The following CAST variants were observed in gnomAD, a reference collection of about 807,000 sequenced individuals.
The protein encoded by CAST is MIR583 host.
CAST carries 76 observed loss-of-function variants against 119.6 expected under a neutral mutation model. The observed-to-expected ratio is 0.64, with a 90% CI of 0.53 to 0.77. CAST has a LOEUF of 0.77. Among genes scored for constraint, CAST ranks in the 30% least tolerant of loss-of-function variants. The probability of loss-of-function intolerance (pLI) is 0.00; values close to 1 mark genes in which losing one functional copy is unlikely to be tolerated. For synonymous variants in CAST, 319 were observed against 331.6 expected (o/e 0.96, Z 0.41); for missense variants, 953 against 946.5 (o/e 1.01, Z -0.09).
chr5:96,770,227 T>G, intron 29 of CAST: 1 of 329,812 alleles, frequency 3.0e-6, no homozygotes, highest in Non-Finnish European at 5.9e-6. Flanking sequence ...TTGCCGACAT[T>G]TATTATCTAT....
In CAST at chr5:96,773,794, T is replaced by C. The variant is rs544993790; in HGVS notation, c.*1178T>C. 2.0e-5 allele frequency: 3 copies of C among 152,440 alleles called. No individual in the cohort carries two copies. The highest frequency in any genetic ancestry group is 4.1e-4 in the South Asian group (2 of 4,830). The allele number at this position is 152,440 out of a possible 1,614,324, so 9.4% of individuals were successfully genotyped here. A position where few individuals can be genotyped will look rare whatever the true frequency, so the allele number is the denominator to read the frequency against. On this transcript the variant is annotated 3_prime_UTR_variant, in exon 32 of 32. Transcript: ENST00000675179. ...TCCTGGTAGAGAATGCAGGAAAAGATGTCAGGTACATAACATAAAACAGAT... is the reference window on the plus strand; with the variant it reads ...TCCTGGTAGAGAATGCAGGAAAAGACGTCAGGTACATAACATAAAACAGAT...
chr5:96,503,723 A>G, the CAST span, among the ~76,000 whole-genome samples: 1 of 152,208 alleles, frequency 6.6e-6, no homozygotes, highest in Non-Finnish European at 1.5e-5. Flanking sequence ...TTGAGGGAAT[A>G]GAAGCCCAAG....
chr5:96,604,408 A>G (rs1446683246), intron 1 of CAST, among the ~76,000 whole-genome samples: 1 of 152,264 alleles, frequency 6.6e-6, no homozygotes, highest in African/African-American at 2.4e-5. Flanking sequence ...AAACATGTGA[A>G]CACATACTCA....
At chr5:96,734,377 G>A (rs1446943151) in intron 9 of CAST, among the ~76,000 whole-genome samples, 1 of 152,226 alleles carries the variant, frequency 6.6e-6, no homozygotes, top group African/African-American at 2.4e-5. Flanking sequence ...ACTGCAGTTA[G>A]GTGGATGGGA....
chr5:96,173,631 AG>A, the CAST span, among the ~76,000 whole-genome samples: 2 of 152,076 alleles, frequency 1.3e-5, no homozygotes, highest in Admixed American at 6.5e-5. Flanking sequence ...CATTATATCG[AG>A]GTTTTCTTAT....
At chr5:96,219,349 C>T in the CAST span, among the ~76,000 whole-genome samples, 1 of 152,164 alleles carries the variant, frequency 6.6e-6, no homozygotes, top group Non-Finnish European at 1.5e-5. Context: ...TTTTGGTTCT[C>T]ATCCATTTTG....
At chr5:96,373,830 C>T in the CAST span, among the ~76,000 whole-genome samples, 7 of 151,950 alleles carry the variant, frequency 4.6e-5, no homozygotes, top group East Asian at 7.7e-4. Flanking sequence ...ACTGCAGCCT[C>T]GAGCTCCTGG....
the CAST span, among the ~76,000 whole-genome samples, chr5:96,151,472 A>C: frequency 2.6e-5 from 4 of 152,168 alleles, no homozygotes; most frequent in East Asian, 1.9e-4. Context: ...CCCATCTCTA[A>C]AAAATTAATA....
chr5:96,662,250 T>C, upstream of CAST: 1 of 767,930 alleles, frequency 1.3e-6, no homozygotes, highest in Non-Finnish European at 1.8e-6. Flanking sequence ...CCATCGGGGC[T>C]AGGGGAACCC....
the CAST span, among the ~76,000 whole-genome samples, chr5:96,517,438 T>C: frequency 6.6e-6 from 1 of 152,196 alleles, no homozygotes; most frequent in Non-Finnish European, 1.5e-5. Context: ...TATAAGTGTT[T>C]GCAAGTGTCA....
At chr5:96,693,202 C>T (rs1752924123) in intron 2 of CAST, among the ~76,000 whole-genome samples, 1 of 152,218 alleles carries the variant, frequency 6.6e-6, no homozygotes. Context: ...CCAGGCAGCT[C>T]TGAGAGCAAG....
At chr5:96,441,336 T>C in the CAST span, among the ~76,000 whole-genome samples, 456 of 152,308 alleles carry the variant, frequency 3.0e-3, no homozygotes, top group African/African-American at 0.011. Flanking sequence ...CTTCCTCTTT[T>C]TTTTCTTTCT....
At chr5:96,414,134 G>A in the CAST span, among the ~76,000 whole-genome samples, 2 of 138,446 alleles carry the variant, frequency 1.4e-5, no homozygotes, top group Non-Finnish European at 3.0e-5. Flanking sequence ...GTGAGACTCT[G>A]TCTAAAAAAA....
chr5:96,248,159 T>C, the CAST span: 4 of 152,268 alleles, frequency 2.6e-5, no homozygotes, highest in Non-Finnish European at 5.9e-5. Flanking sequence ...CCTTTAGTTA[T>C]TTCTACAAAT....
At chr5:96,512,963 A>G in the CAST span, among the ~76,000 whole-genome samples, 2 of 152,302 alleles carry the variant, frequency 1.3e-5, no homozygotes, top group East Asian at 1.9e-4. Context: ...CCATCTTGAT[A>G]TTTCTGTACT....
chr5:96,757,041 A>G (rs1188582485), intron 22 of CAST, among the ~76,000 whole-genome samples: 1 of 152,236 alleles, frequency 6.6e-6, no homozygotes, highest in Admixed American at 6.5e-5. Context: ...TTACAAGGTT[A>G]ACCAGCATTT....
upstream of CAST, chr5:96,662,235 A>C (rs973441403): frequency 1.7e-6 from 1 of 595,276 alleles, no homozygotes; most frequent in Non-Finnish European, 2.6e-6. Context: ...CAGGAAGGGG[A>C]GGGCCCATCG....
chr5:96,550,522 A>G (rs1156356248), intron 1 of CAST, among the ~76,000 whole-genome samples: 1 of 152,214 alleles, frequency 6.6e-6, no homozygotes, highest in African/African-American at 2.4e-5. Context: ...AAAGGAACAC[A>G]ACTCCTCACC....
At chr5:96,701,422 T>C (rs1180715346) in intron 3 of CAST, among the ~76,000 whole-genome samples, 2 of 152,168 alleles carry the variant, frequency 1.3e-5, no homozygotes, top group African/African-American at 4.8e-5. Flanking sequence ...CAGTGAAACC[T>C]AGATGAGCTT....
Sources: allele counts gnomAD v4.1 joint callset (sites outside exome capture counted in the v4.1 genomes callset), GRCh38; gene constraint gnomAD v4.1.1; transcripts MANE v1.5; gene names NCBI Gene and HGNC (gene_info 2026-07-23, HGNC 2026-07-21).